The following NR2C2 variants were observed in gnomAD, a reference collection of about 807,000 sequenced individuals.
NR2C2 encodes the protein nuclear receptor subfamily 2 group C member 2.
NR2C2 carries 6 observed loss-of-function variants against 62.9 expected under a neutral mutation model. The observed-to-expected ratio is 0.10, with a 90% confidence interval of 0.05 to 0.19. NR2C2 has a LOEUF of 0.19. NR2C2 is among the 10% of genes least tolerant of loss of function. The pLI, the probability that NR2C2 is intolerant of heterozygous loss-of-function variation, is 1.00. For synonymous variants in NR2C2, 272 were observed against 273.8 expected (o/e 0.99, Z 0.07); for missense variants, 479 against 762.7 (o/e 0.63, Z 4.38).
At chr3:14,992,901 A>G (rs748618690) in intron 1 of NR2C2, among the ~76,000 whole-genome samples, 41 of 152,196 alleles carry the variant, frequency 2.7e-4, no homozygotes, top group Non-Finnish European at 5.3e-4. Context: ...TGCCCTAACC[A>G]AGGTATAACA....
intron 1 of NR2C2, among the ~76,000 whole-genome samples, chr3:14,970,855 T>A (rs556483848): frequency 6.6e-6 from 1 of 152,372 alleles, no homozygotes; most frequent in Non-Finnish European, 1.5e-5. Flanking sequence ...ACTCAACTTA[T>A]GATGGTTCAA....
chr3:14,959,479 C>T (rs532820110), intron 1 of NR2C2: 3 of 152,282 alleles, frequency 2.0e-5, no homozygotes, highest in African/African-American at 7.2e-5. Flanking sequence ...CATAGTTTCT[C>T]TTTCAATTTC....
At chr3:14,951,547 C>G (rs1271545847) in intron 1 of NR2C2, among the ~76,000 whole-genome samples, 2 of 151,646 alleles carry the variant, frequency 1.3e-5, no homozygotes, top group East Asian at 3.8e-4. Flanking sequence ...TGTTCAATTC[C>G]TTAAGCTAAT....
intron 6 of NR2C2, 90 bp downstream of exon 6, chr3:15,023,437 A>C (rs1575019750): frequency 2.8e-6 from 4 of 1,434,242 alleles, no homozygotes; most frequent in East Asian, 2.3e-5. Context: ...GTGGCTTCCC[A>C]CCCATCTGCC....
At chr3:15,039,296 A>G in intron 13 of NR2C2, 69 bp downstream of exon 13, 1 of 1,002,384 alleles carries the variant, frequency 1.0e-6, no homozygotes, top group Non-Finnish European at 1.6e-6. Context: ...GCAGTTTCTA[A>G]TATAAATTAT....
Position 15,034,685 on chromosome 3 carries a change from C to T in NR2C2, c.1248C>T (p.Thr416=), listed in dbSNP as rs760099139. ...AFQALGQDCN[T]SLVRACWNEL... is the part of the protein sequence containing the mutation. ...ATATTCCTAGGCAGGACTGCAACACCAGCCTTGTGCGGGCCTGCTGGAATG... is the reference window on the plus strand; with the variant it reads ...ATATTCCTAGGCAGGACTGCAACACTAGCCTTGTGCGGGCCTGCTGGAATG... Residue 416 remains threonine, a synonymous_variant, in exon 11 of 14, where the codon ACC becomes ACT. Transcript: ENST00000425241. 6.8e-6 allele frequency: 11 copies of T among 1,614,068 alleles called. No individual in the cohort carries two copies. The East Asian group carries it at 2.2e-4, about 33-fold the overall frequency.
intron 11 of NR2C2, 29 bp downstream of exon 11, chr3:15,034,838 G>A (rs1463115524): frequency 6.3e-7 from 1 of 1,588,800 alleles, no homozygotes; most frequent in Non-Finnish European, 8.6e-7. Context: ...GGGCTGGGGT[G>A]TGTCTTGGTT....
In NR2C2 at chr3:15,034,920, C is replaced by G. The variant is rs1465673620; in HGVS notation, c.1372+111C>G. On this transcript the variant is annotated intron_variant, in intron 11 of 13. Coordinates refer to ENST00000425241, the MANE Select transcript of NR2C2 (RefSeq NM_001291694.2). Reference sequence around the variant, plus strand: ...CATGTCAAAGACACCTTTGTTGACCCAGGCTGGCAACATAGCAAATTGGAT... The same window carrying G: ...CATGTCAAAGACACCTTTGTTGACCGAGGCTGGCAACATAGCAAATTGGAT... 9.5e-6 allele frequency: 11 copies of G among 1,157,890 alleles called. No homozygotes were observed. In the Admixed American group the frequency reaches 2.9e-4, roughly 31 times the overall value. The allele number at this position is 1,157,890 out of a possible 1,614,324, so 71.7% of individuals were successfully genotyped here. A position where few individuals can be genotyped will look rare whatever the true frequency, so the allele number is the denominator to read the frequency against.
intron 1 of NR2C2, among the ~76,000 whole-genome samples, chr3:14,948,957 T>G (rs762879506): frequency 2.0e-5 from 3 of 152,276 alleles, no homozygotes; most frequent in Non-Finnish European, 4.4e-5. Context: ...AACGCTACTT[T>G]GCGAGCTTCA....
intron 1 of NR2C2, among the ~76,000 whole-genome samples, chr3:14,992,379 T>C (rs2040696484): frequency 6.6e-6 from 1 of 152,090 alleles, no homozygotes; most frequent in African/African-American, 2.4e-5. Context: ...GGGTGTGTAA[T>C]TAGCAGACAG....
chr3:15,037,075 T>C (rs1034775648), intron 11 of NR2C2, among the ~76,000 whole-genome samples: 18 of 151,938 alleles, frequency 1.2e-4, no homozygotes, highest in African/African-American at 3.9e-4. Context: ...TGAGCCAAGA[T>C]TGTGTCACTG....
intron 1 of NR2C2, among the ~76,000 whole-genome samples, chr3:14,949,260 G>C (rs1208208095): frequency 1.3e-5 from 2 of 152,186 alleles, no homozygotes; most frequent in Non-Finnish European, 2.9e-5. Flanking sequence ...TGCTGAAGAA[G>C]ACCTGAGGCG....
chr3:15,031,262 C>T (rs965304551), intron 9 of NR2C2, among the ~76,000 whole-genome samples: 2 of 152,332 alleles, frequency 1.3e-5, no homozygotes, highest in African/African-American at 4.8e-5. Flanking sequence ...GGGTGTTCCC[C>T]GTGCTGTCAT....
At chr3:15,012,326 A>G (rs2041378875) in intron 2 of NR2C2, among the ~76,000 whole-genome samples, 1 of 151,970 alleles carries the variant, frequency 6.6e-6, no homozygotes, top group Non-Finnish European at 1.5e-5. Flanking sequence ...TCTGAGTTCA[A>G]GCGATTCTCG....
Position 15,042,847 on chromosome 3 carries a change from C to T in NR2C2, c.1630C>T (p.Leu544Phe). The change falls in exon 14 of 14, where the codon CTC (leucine) becomes TTC (phenylalanine). Residue 544 changes from leucine (L) to phenylalanine (F), a missense_variant. Leu to Phe is a conservative substitution (Grantham distance 22, BLOSUM62 0). Transcript: ENST00000425241. ...SEDTYRLARI[L>F]VRLPALRLMS... The stretch of plus-strand genomic sequence containing the variant: ...TCCCTTTTATAGATTGGCCCGGATC[C>T]TCGTTCGCCTGCCGGCACTCAGGCT... 1 of 1,614,062 alleles carries T rather than the reference C, an allele frequency of 6.2e-7. No homozygotes were observed.
intron 4 of NR2C2, among the ~76,000 whole-genome samples, chr3:15,017,722 C>A (rs1349251496): frequency 6.6e-6 from 1 of 152,194 alleles, no homozygotes; most frequent in East Asian, 1.9e-4. Context: ...ATAGAAGGCA[C>A]TTTACCACAA....
chr3:15,011,294 A>G (rs2041346025), intron 2 of NR2C2, among the ~76,000 whole-genome samples: 1 of 152,236 alleles, frequency 6.6e-6, no homozygotes, highest in Non-Finnish European at 1.5e-5. Context: ...AGCCATGCTC[A>G]TGCCACTGCA....
chr3:15,017,195 A>G (rs535054255), intron 4 of NR2C2, among the ~76,000 whole-genome samples: 10 of 152,272 alleles, frequency 6.6e-5, no homozygotes, highest in Non-Finnish European at 1.5e-4. Flanking sequence ...GAAGATCAGA[A>G]GCTCCAGTTT....
intron 13 of NR2C2, 27 bp downstream of exon 13, chr3:15,039,254 T>C (rs756803742): frequency 2.1e-6 from 3 of 1,461,466 alleles, no homozygotes; most frequent in Non-Finnish European, 2.9e-6. Flanking sequence ...TATGCGCTCT[T>C]GCTTGGGGCT....
Sources: allele counts gnomAD v4.1 joint callset (sites outside exome capture counted in the v4.1 genomes callset), GRCh38; gene constraint gnomAD v4.1.1; transcripts MANE v1.5; gene names NCBI Gene and HGNC (gene_info 2026-07-23, HGNC 2026-07-21).